The following PTPRK variants were observed in gnomAD, a reference collection of about 807,000 sequenced individuals.
The protein encoded by PTPRK is protein tyrosine phosphatase receptor type K.
A neutral mutation model predicts 178.0 loss-of-function variants in PTPRK; 75 were observed. The observed-to-expected ratio is 0.42, with a 90% CI of 0.35 to 0.51. The LOEUF (loss-of-function observed/expected upper bound fraction) is 0.51. Ranked by LOEUF, PTPRK falls within the 20% of genes least tolerant of loss-of-function variation. PTPRK has a pLI of 0.02. For missense variants in PTPRK, 1,441 were observed against 1,797.8 expected (o/e 0.80, Z 3.59); for synonymous variants, 637 against 620.6 (o/e 1.03, Z -0.39).
At chr6:128,297,851 C>T (rs769962866) in intron 3 of PTPRK, among the ~76,000 whole-genome samples, 27 of 151,968 alleles carry the variant, frequency 1.8e-4, no homozygotes, top group Non-Finnish European at 3.5e-4. Context: ...CAAAAGCTAG[C>T]GGAAGGCAAG....
At chr6:128,425,077 G>GT (rs1452040636) in intron 1 of PTPRK, among the ~76,000 whole-genome samples, 65 of 143,444 alleles carry the variant, frequency 4.5e-4, no homozygotes, top group African/African-American at 1.7e-3. Flanking sequence ...CCAATGTGTA[G>GT]TCTTTTTTTT....
intron 13 of PTPRK, among the ~76,000 whole-genome samples, chr6:128,050,037 G>A (rs1166126084): frequency 1.3e-5 from 2 of 152,124 alleles, no homozygotes; most frequent in African/African-American, 4.8e-5. Flanking sequence ...TTCAGAGGCC[G>A]AGGCAGGAGA....
chr6:128,065,349 C>T (rs1781562586), intron 12 of PTPRK, among the ~76,000 whole-genome samples: 1 of 152,118 alleles, frequency 6.6e-6, no homozygotes, highest in African/African-American at 2.4e-5. Context: ...TCTCAGCATA[C>T]ATAATTTTCC....
intron 13 of PTPRK, among the ~76,000 whole-genome samples, chr6:128,036,320 C>T (rs1295033911): frequency 6.6e-6 from 1 of 152,104 alleles, no homozygotes; most frequent in Non-Finnish European, 1.5e-5. Flanking sequence ...AAAATTTGGT[C>T]TTATGGATAA....
intron 1 of PTPRK, among the ~76,000 whole-genome samples, chr6:128,515,683 C>G (rs1857889581): frequency 6.6e-6 from 1 of 152,126 alleles, no homozygotes; most frequent in South Asian, 2.1e-4. Context: ...CATACACACA[C>G]TCACACACAC....
chr6:128,202,211 C>T (rs571074385), intron 6 of PTPRK, among the ~76,000 whole-genome samples: 30 of 152,198 alleles, frequency 2.0e-4, no homozygotes, highest in African/African-American at 6.5e-4. Context: ...CAGGGTGGGG[C>T]GATGGCCCAC....
chr6:128,396,667 C>T (rs1188611830), intron 2 of PTPRK, among the ~76,000 whole-genome samples: 2 of 151,928 alleles, frequency 1.3e-5, no homozygotes, highest in Non-Finnish European at 2.9e-5. Flanking sequence ...ATATTATCTC[C>T]CAAAACCCAA....
At chr6:128,259,885 C>T (rs1295668330) in intron 3 of PTPRK, among the ~76,000 whole-genome samples, 1 of 152,118 alleles carries the variant, frequency 6.6e-6, no homozygotes, top group Non-Finnish European at 1.5e-5. Context: ...AACCCTTCCA[C>T]ACAACTGCTT....
At chr6:128,201,684 C>T (rs1455329526) in intron 6 of PTPRK, among the ~76,000 whole-genome samples, 1 of 151,780 alleles carries the variant, frequency 6.6e-6, no homozygotes, top group Non-Finnish European at 1.5e-5. Flanking sequence ...CATAGTGAGA[C>T]CCCATCTCTA....
intron 13 of PTPRK, among the ~76,000 whole-genome samples, chr6:128,036,324 T>A (rs536373591): frequency 2.3e-4 from 35 of 152,330 alleles, no homozygotes; most frequent in Middle Eastern, 3.4e-3. Context: ...TTTGGTCTTA[T>A]GGATAACCAA....
intron 2 of PTPRK, among the ~76,000 whole-genome samples, chr6:128,329,078 G>A (rs1409001517): frequency 1.3e-5 from 2 of 152,140 alleles, no homozygotes; most frequent in African/African-American, 4.8e-5. Flanking sequence ...ACCTGAAAGA[G>A]TATGAGGGTC....
intron 1 of PTPRK, among the ~76,000 whole-genome samples, chr6:128,453,700 G>A (rs1482197741): frequency 1.3e-5 from 2 of 152,136 alleles, no homozygotes; most frequent in Non-Finnish European, 2.9e-5. Flanking sequence ...TAGCCACCCT[G>A]TAAATGTGCT....
At chr6:128,151,905 T>C (rs1398897266) in intron 7 of PTPRK, among the ~76,000 whole-genome samples, 1 of 151,942 alleles carries the variant, frequency 6.6e-6, no homozygotes, top group Non-Finnish European at 1.5e-5. Flanking sequence ...TGGGGTCAAA[T>C]TAAAGGGTTT....
chr6:128,379,640 T>C (rs79107730), intron 2 of PTPRK, among the ~76,000 whole-genome samples: 2,185 of 152,322 alleles, frequency 0.014, 57 homozygotes, highest in African/African-American at 0.05. Context: ...CCTCAGTTGC[T>C]TTCTTTTACT....
chr6:128,016,672 T>C (rs1335347452), intron 13 of PTPRK, among the ~76,000 whole-genome samples: 2 of 151,936 alleles, frequency 1.3e-5, no homozygotes, highest in Non-Finnish European at 2.9e-5. Context: ...AATCTTTTTT[T>C]TTATGGTTAG....
intron 5 of PTPRK, among the ~76,000 whole-genome samples, chr6:128,226,922 G>A (rs981518000): frequency 3.3e-5 from 5 of 151,490 alleles, no homozygotes; most frequent in African/African-American, 1.2e-4. Context: ...TGAACTTTCT[G>A]ATTTGGTTCT....
chr6:128,459,395 A>G (rs774598751), intron 1 of PTPRK, among the ~76,000 whole-genome samples: 8 of 152,102 alleles, frequency 5.3e-5, no homozygotes, highest in Non-Finnish European at 1.0e-4. Context: ...CCACCTCACC[A>G]AGTTTCACCT....
intron 3 of PTPRK, among the ~76,000 whole-genome samples, chr6:128,268,241 G>T (rs912093678): frequency 6.6e-6 from 1 of 151,954 alleles, no homozygotes; most frequent in East Asian, 1.9e-4. Context: ...GCTTCCCAGA[G>T]AAACACATTT....
intron 6 of PTPRK, among the ~76,000 whole-genome samples, chr6:128,205,804 A>AAAC: frequency 6.6e-6 from 1 of 150,538 alleles, no homozygotes; most frequent in African/African-American, 2.4e-5. Flanking sequence ...AAAAAAAAAA[A>AAAC]ATTCAAGTTA....
Sources: allele counts gnomAD v4.1 joint callset (sites outside exome capture counted in the v4.1 genomes callset), GRCh38; gene constraint gnomAD v4.1.1; transcripts MANE v1.5; gene names NCBI Gene and HGNC (gene_info 2026-07-23, HGNC 2026-07-21).